DNAH6: variants seen among roughly 807,000 people sequenced by gnomAD.
The protein encoded by DNAH6 is dynein axonemal heavy chain 6.
DNAH6 carries 340 observed loss-of-function variants against 491.4 expected under a neutral mutation model. The ratio of observed to expected loss-of-function variants is 0.69; its 90% CI spans 0.63 to 0.76. DNAH6 has a LOEUF of 0.76. DNAH6 is among the 30% of genes least tolerant of loss of function. The pLI, the probability that DNAH6 is intolerant of heterozygous loss-of-function variation, is 0.00. For synonymous variants in DNAH6, 1,603 were observed against 1,686.1 expected, an observed-to-expected ratio of 0.95 and a Z score of 1.21; for missense variants, 4,443 against 4,972.2, an observed-to-expected ratio of 0.89 and a Z score of 3.20.
the DNAH6 span, among the ~76,000 whole-genome samples, chr2:84,487,413 G>A: frequency 3.2e-4 from 49 of 152,274 alleles, no homozygotes; most frequent in African/African-American, 1.2e-3. Flanking sequence ...ACCCTGTGAA[G>A]AGTTGAGAAA....
intron 45 of DNAH6, among the ~76,000 whole-genome samples, chr2:84,691,418 C>G (rs1254719685): frequency 6.6e-6 from 1 of 152,138 alleles, no homozygotes; most frequent in Admixed American, 6.5e-5. Context: ...TTTATGCTCG[C>G]CTGGGCAGCT....
rs1398362740 is a variant in DNAH6, at chr2:84,762,782, A to G, written c.10540A>G (p.Ile3514Val). The G allele has an allele frequency of 1.9e-6, 3 of 1,550,540 alleles. No individual in the cohort carries two copies. Among genetic ancestry groups the G allele is most frequent in the Admixed American group, 2.0e-5 (1 of 50,760 alleles). ...KVVFALTDFV[I>V]ENLGKQFIET... The stretch of plus-strand genomic sequence containing the variant: ...GGTTTTTGCTCTTACAGACTTTGTG[A>G]TAGAAAATCTTGGAAAACAGTTTAT... The change falls in exon 64 of 77, where the codon ATA (isoleucine) becomes GTA (valine). Residue 3514 changes from isoleucine to valine, a missense_variant. Ile to Val is a conservative substitution (Grantham distance 29). Around this residue, in one of 3 missense-constraint regions of DNAH6, gnomAD observed 1,463 missense variants for 1,656.6 expected, o/e 0.88. Transcript: ENST00000389394.
chr2:84,815,401 C>T (rs954462009), intron 75 of DNAH6, among the ~76,000 whole-genome samples: 1 of 150,480 alleles, frequency 6.6e-6, no homozygotes, highest in African/African-American at 2.4e-5. Flanking sequence ...AAGTGTGCAC[C>T]GGTGGAGACA....
chr2:84,745,309 C>A, intron 63 of DNAH6, 60 bp downstream of exon 63: 2 of 1,193,604 alleles, frequency 1.7e-6, no homozygotes, highest in Non-Finnish European at 2.2e-6. Context: ...AGCTCACTAG[C>A]CAGTTATGAT....
chr2:84,809,822 AAG>A (rs1679788703), intron 72 of DNAH6, among the ~76,000 whole-genome samples: 1 of 152,142 alleles, frequency 6.6e-6, no homozygotes, highest in Non-Finnish European at 1.5e-5. Flanking sequence ...GGAAGCAGGA[AAG>A]AGAGAGGCAA....
intron 13 of DNAH6, among the ~76,000 whole-genome samples, 162 bp from the exon 14 acceptor site, chr2:84,579,365 C>T (rs993896779): frequency 6.6e-6 from 1 of 152,208 alleles, no homozygotes; most frequent in Non-Finnish European, 1.5e-5. Flanking sequence ...TTCCTGTTGG[C>T]TCATTTAACT....
At chr2:84,760,098 A>G (rs527860161) in intron 63 of DNAH6, among the ~76,000 whole-genome samples, 1 of 152,310 alleles carries the variant, frequency 6.6e-6, no homozygotes, top group African/African-American at 2.4e-5. Context: ...GGTGGTGGGA[A>G]AATTGGATTG....
chr2:84,797,238 T>C (rs1573840692), intron 69 of DNAH6, among the ~76,000 whole-genome samples: 1 of 152,188 alleles, frequency 6.6e-6, no homozygotes, highest in African/African-American at 2.4e-5. Context: ...CAACATAAAT[T>C]TGGAGCCCTT....
chr2:84,477,381 T>C, the DNAH6 span, among the ~76,000 whole-genome samples: 1 of 152,166 alleles, frequency 6.6e-6, no homozygotes, highest in Non-Finnish European at 1.5e-5. Flanking sequence ...ATGTCAGACA[T>C]GCAAGCCCTG....
intron 60 of DNAH6, among the ~76,000 whole-genome samples, chr2:84,727,417 A>G (rs1339555959): frequency 1.3e-5 from 2 of 152,036 alleles, no homozygotes; most frequent in African/African-American, 4.8e-5. Context: ...AATGAAACCA[A>G]TTTTTTTGGT....
At chr2:84,591,277 G>A (rs143633045) in intron 16 of DNAH6, among the ~76,000 whole-genome samples, 1 of 152,130 alleles carries the variant, frequency 6.6e-6, no homozygotes, top group Non-Finnish European at 1.5e-5. Context: ...ATCAACTTAC[G>A]TGAATTAGTT....
chr2:84,634,208 T>C (rs1028503205), intron 29 of DNAH6, among the ~76,000 whole-genome samples: 1 of 152,204 alleles, frequency 6.6e-6, no homozygotes, highest in African/African-American at 2.4e-5. Flanking sequence ...TGTTAAACTA[T>C]TTGAGAATCT....
Position 84,525,615 on chromosome 2 carries a change from A to G in DNAH6, c.276A>G (p.Glu92=). 1.3e-6 allele frequency: 2 copies of G among 1,550,538 alleles called. No homozygotes were observed. The highest frequency in any genetic ancestry group is 2.4e-5 in the South Asian group (2 of 83,950). ...QDHKQPEYIH[E]QNRFQLMTAG... Reference sequence around the variant, plus strand: ...ATAAGCAGCCAGAATACATACATGAACAGAACCGATTTCAGTTAATGACTG... The same window carrying G: ...ATAAGCAGCCAGAATACATACATGAGCAGAACCGATTTCAGTTAATGACTG... The change falls in exon 3 of 77, where the codon GAA becomes GAG. Residue 92 remains glutamate (E), a synonymous_variant. Transcript: ENST00000389394.
the DNAH6 span, among the ~76,000 whole-genome samples, chr2:84,474,287 G>A: frequency 6.6e-6 from 1 of 152,292 alleles, no homozygotes; most frequent in Non-Finnish European, 1.5e-5. Context: ...AGGGGAGCAA[G>A]TAGGCTCTAT....
intron 63 of DNAH6, among the ~76,000 whole-genome samples, chr2:84,748,694 T>C (rs758600834): frequency 2.6e-5 from 4 of 152,226 alleles, no homozygotes; most frequent in Non-Finnish European, 5.9e-5. Context: ...ATCTTCTCAT[T>C]ACTCAGTTCA....
chr2:84,528,864 A>G (rs1286589496), intron 3 of DNAH6, 40 bp from the exon 4 acceptor site: 1 of 1,460,496 alleles, frequency 6.8e-7, no homozygotes, highest in Non-Finnish European at 9.1e-7. Flanking sequence ...GTATGTGTGC[A>G]AAGACTCATT....
chr2:84,503,899 C>T, the DNAH6 span, among the ~76,000 whole-genome samples: 1 of 152,052 alleles, frequency 6.6e-6, no homozygotes, highest in Non-Finnish European at 1.5e-5. Context: ...ATTAACTCTG[C>T]TAGGTGTACT....
chr2:84,813,287 G>C (rs758157900), intron 74 of DNAH6, among the ~76,000 whole-genome samples, 157 bp downstream of exon 74: 2 of 152,148 alleles, frequency 1.3e-5, no homozygotes, highest in East Asian at 1.9e-4. Context: ...CCTCACTTGT[G>C]GGGGGCAGAG....
chr2:84,478,138 T>C, the DNAH6 span, among the ~76,000 whole-genome samples: 2 of 152,194 alleles, frequency 1.3e-5, no homozygotes, highest in African/African-American at 4.8e-5. Context: ...GCTTGTATCC[T>C]TCACCTTATT....
Sources: gnomAD v4.1 joint callset for allele counts (sites outside exome capture counted in the v4.1 genomes callset) on GRCh38, gnomAD v4.1.1 for gene constraint, gnomAD v4.1.1 regional missense constraint, MANE v1.5 for transcripts, NCBI Gene and HGNC (gene_info 2026-07-23, HGNC 2026-07-21) for gene names.